TECTA: variants seen among roughly 807,000 people sequenced by gnomAD.
TECTA encodes tectorin alpha, also known as alpha-tectorin.
Under a neutral mutation model 216.8 loss-of-function variants are expected in TECTA, and 128 were observed. That is an observed-to-expected ratio of 0.59 (90% CI 0.51 to 0.68). The LOEUF (loss-of-function observed/expected upper bound fraction) is 0.68. Among genes scored for constraint, TECTA ranks in the 30% least tolerant of loss-of-function variants. The pLI, the probability that TECTA is intolerant of heterozygous loss-of-function variation, is 0.00. For missense variants in TECTA, 2,551 were observed against 2,786.2 expected (o/e 0.92, Z 1.90); for synonymous variants, 1,089 against 1,117.1 (o/e 0.97, Z 0.50).
chr11:121,151,928 C>G (rs545541649), intron 12 of TECTA, among the ~76,000 whole-genome samples: 36 of 152,264 alleles, frequency 2.4e-4, no homozygotes, highest in Middle Eastern at 6.8e-3. Flanking sequence ...TTTAAGCAAA[C>G]CTATCTTTAA....
At chr11:121,166,362 T>C (rs1947053057) in intron 17 of TECTA, among the ~76,000 whole-genome samples, 1 of 152,250 alleles carries the variant, frequency 6.6e-6, no homozygotes, top group Admixed American at 6.5e-5. Context: ...TTAGCATTTT[T>C]ATCCTTTTAA....
intron 3 of TECTA, among the ~76,000 whole-genome samples, chr11:121,108,160 A>T (rs1946407118): frequency 6.6e-6 from 1 of 152,134 alleles, no homozygotes; most frequent in East Asian, 1.9e-4. Flanking sequence ...TTTCAAATTT[A>T]ACTTTACTTC....
intron 20 of TECTA, among the ~76,000 whole-genome samples, chr11:121,172,368 G>A (rs2134201063): frequency 6.6e-6 from 1 of 151,770 alleles, no homozygotes; most frequent in East Asian, 1.9e-4. Flanking sequence ...TCCCCAGAGT[G>A]TGACGTTCCC....
chr11:121,184,211 T>G (rs747455344), intron 20 of TECTA, among the ~76,000 whole-genome samples: 18 of 151,782 alleles, frequency 1.2e-4, no homozygotes, highest in Non-Finnish European at 2.5e-4. Flanking sequence ...ATCACAGGAG[T>G]GGATGTGACT....
intron 2 of TECTA, among the ~76,000 whole-genome samples, chr11:121,104,866 G>A (rs1017493493): frequency 3.9e-5 from 6 of 151,968 alleles, no homozygotes; most frequent in African/African-American, 7.3e-5. Context: ...AAGGAAAAAA[G>A]GGAGAAAACG....
At chr11:121,150,122 T>C (rs1256633289) in intron 12 of TECTA, among the ~76,000 whole-genome samples, 1 of 151,884 alleles carries the variant, frequency 6.6e-6, no homozygotes, top group Non-Finnish European at 1.5e-5. Flanking sequence ...AAATAAATAA[T>C]AAAAATAAAA....
At chr11:121,119,644 A>G (rs1387314115) in intron 7 of TECTA, among the ~76,000 whole-genome samples, 2 of 152,362 alleles carry the variant, frequency 1.3e-5, no homozygotes, top group African/African-American at 4.8e-5. Context: ...ATCCCCATGC[A>G]TGGAGGTCAT....
intron 7 of TECTA, among the ~76,000 whole-genome samples, chr11:121,120,355 G>T (rs1278009877): frequency 2.0e-5 from 3 of 152,196 alleles, no homozygotes; most frequent in African/African-American, 7.2e-5. Flanking sequence ...GCTAACAATG[G>T]CTTCCTTTTC....
intron 12 of TECTA, among the ~76,000 whole-genome samples, chr11:121,152,085 G>A (rs529562338): frequency 3.3e-5 from 5 of 152,310 alleles, no homozygotes; most frequent in South Asian, 2.1e-4. Flanking sequence ...CCCGAGTGAC[G>A]CTCTGGGTCT....
chr11:121,179,848 CT>C (rs771320224), intron 20 of TECTA, among the ~76,000 whole-genome samples: 3 of 152,064 alleles, frequency 2.0e-5, no homozygotes, highest in Non-Finnish European at 2.9e-5. Context: ...CTCCTGCTTG[CT>C]TTTGGTTTTG....
chr11:121,189,380 T>TA (rs974058151), intron 22 of TECTA, among the ~76,000 whole-genome samples: 1 of 151,704 alleles, frequency 6.6e-6, no homozygotes, highest in Non-Finnish European at 1.5e-5. Flanking sequence ...CTCCTCTTTT[T>TA]TTTTTTTCTT....
At chr11:121,118,994 C>CACACACACACACACAAACACACAT (rs1491155516) in intron 7 of TECTA, among the ~76,000 whole-genome samples, 2 of 40,664 alleles carry the variant, frequency 4.9e-5, no homozygotes, top group African/African-American at 1.9e-4. Context: ...CACTGATAGG[C>CACACACACACACACAAACACACAT]ACACACACAC....
At chr11:121,183,202 C>T (rs1215300605) in intron 20 of TECTA, among the ~76,000 whole-genome samples, 1 of 152,110 alleles carries the variant, frequency 6.6e-6, no homozygotes, top group Non-Finnish European at 1.5e-5. Flanking sequence ...TGGGTGTTAG[C>T]AGGGCTCCAG....
chr11:121,109,798 G>C, intron 4 of TECTA: 1 of 399,844 alleles, frequency 2.5e-6, no homozygotes. Flanking sequence ...GCAGGAGAGT[G>C]CTTGAGGCAC....
intron 20 of TECTA, among the ~76,000 whole-genome samples, chr11:121,179,975 T>TTTG (rs1555130922): frequency 2.1e-5 from 2 of 95,442 alleles, no homozygotes; most frequent in African/African-American, 8.1e-5. Context: ...TGTTTGTTTG[T>TTTG]TTTTTTTTTT....
chr11:121,181,171 A>T (rs1591470202), intron 20 of TECTA, among the ~76,000 whole-genome samples: 1 of 152,218 alleles, frequency 6.6e-6, no homozygotes, highest in Non-Finnish European at 1.5e-5. Context: ...CTCAAAAAAA[A>T]TAATTCTTTA....
At position 121,109,239 on chromosome 11, in the gene TECTA, A is replaced by G. The variant is rs768267586; in HGVS notation, c.227A>G (p.Asn76Ser). 4.3e-6 allele frequency: 7 copies of G among 1,614,024 alleles called. No individual in the cohort carries two copies. The highest frequency in any genetic ancestry group is 2.2e-5 in the East Asian group (1 of 44,900). ...AATAACAACGGAGTTGTTTCCTTCA[A>G]TGTGCTAGTGAGCCAGTTCACGCCA... ...YVNNNGVVSF[N>S]VLVSQFTPES... Residue 76 changes from asparagine to serine, a missense_variant, in exon 4 of 24, where the codon AAT becomes AGT. Coordinates refer to ENST00000392793, the MANE Select transcript of TECTA (RefSeq NM_005422.4).
chr11:121,157,340 CA>C (rs1246803129), intron 13 of TECTA, among the ~76,000 whole-genome samples: 6 of 152,058 alleles, frequency 3.9e-5, no homozygotes, highest in African/African-American at 1.4e-4. Context: ...GGTGGTGGCT[CA>C]TACCCGTAAT....
Position 121,125,625 on chromosome 11 carries a change from G to A in TECTA, c.1527G>A (p.Gln509=). The A allele has an allele frequency of 1.2e-6, 2 of 1,612,760 alleles. No individual in the cohort carries two copies. Among genetic ancestry groups the A allele is most frequent in the Non-Finnish European group, 1.7e-6 (2 of 1,178,918 alleles). Residue 509 remains glutamine (Q), a synonymous_variant, in exon 8 of 24, where the codon CAG becomes CAA. Coordinates refer to ENST00000392793, the MANE Select transcript of TECTA (RefSeq NM_005422.4). ...CDSGCVDNCT[Q]CDAATEALYF... is the part of the protein sequence containing the mutation. ...CCGGCTGCGTCGACAACTGCACCCA[G>A]TGCGACGCTGCCACTGAAGCCCTCT... is the stretch of plus-strand genomic sequence containing the variant.
Sources: gnomAD v4.1 joint callset for allele counts (sites outside exome capture counted in the v4.1 genomes callset) on GRCh38, gnomAD v4.1.1 for gene constraint, MANE v1.5 for transcripts, NCBI Gene and HGNC (gene_info 2026-07-23, HGNC 2026-07-21) for gene names.